Variants in SEMA4D observed in about 807,000 individuals in gnomAD.
SEMA4D encodes the protein semaphorin 4D.
Under a neutral mutation model 74.8 loss-of-function variants are expected in SEMA4D, and 22 were observed. The ratio of observed to expected loss-of-function variants is 0.29; its 90% CI spans 0.21 to 0.42. The LOEUF (loss-of-function observed/expected upper bound fraction) is 0.42. Among genes scored for constraint, SEMA4D ranks in the 10% least tolerant of loss-of-function variants. The pLI, the probability that SEMA4D is intolerant of heterozygous loss-of-function variation, is 1.00. For missense variants in SEMA4D, 937 were observed against 1,118.4 expected, an observed-to-expected ratio of 0.84 and a Z score of 2.31; for synonymous variants, 445 against 463.7, an observed-to-expected ratio of 0.96 and a Z score of 0.52.
chr9:89,453,046 T>C (rs1248582002), intron 2 of SEMA4D, among the ~76,000 whole-genome samples: 2 of 152,156 alleles, frequency 1.3e-5, no homozygotes, highest in African/African-American at 4.8e-5. Flanking sequence ...TTCAGTGTCA[T>C]TTAATTAAAT....
intron 2 of SEMA4D, among the ~76,000 whole-genome samples, chr9:89,451,862 T>C (rs1310847624): frequency 6.6e-6 from 1 of 152,240 alleles, no homozygotes; most frequent in Non-Finnish European, 1.5e-5. Context: ...ACGCAGGTCA[T>C]GAACAAGGTA....
intron 1 of SEMA4D, among the ~76,000 whole-genome samples, chr9:89,461,353 C>CA (rs1241270308): frequency 6.6e-6 from 1 of 152,132 alleles, no homozygotes; most frequent in Non-Finnish European, 1.5e-5. Context: ...CGTTTCACCC[C>CA]ATATACTCTT....
At chr9:89,380,334 GC>G (rs1439981380) in intron 15 of SEMA4D, among the ~76,000 whole-genome samples, 1 of 151,462 alleles carries the variant, frequency 6.6e-6, no homozygotes, top group Non-Finnish European at 1.5e-5. Flanking sequence ...TGCCCGGCCA[GC>G]TTTTGTTTTC....
At chr9:89,390,128 G>A (rs1212589620) in intron 9 of SEMA4D, among the ~76,000 whole-genome samples, 1 of 152,226 alleles carries the variant, frequency 6.6e-6, no homozygotes, top group African/African-American at 2.4e-5. Context: ...CCTCAGTGCT[G>A]GGTAATAAGT....
intron 1 of SEMA4D, among the ~76,000 whole-genome samples, chr9:89,480,146 A>G (rs1038957125): frequency 6.6e-6 from 1 of 151,966 alleles, no homozygotes; most frequent in Non-Finnish European, 1.5e-5. Flanking sequence ...TGAGCTAAAC[A>G]CAGGGTGCTG....
At chr9:89,389,386 G>A (rs1839305945) in intron 9 of SEMA4D, among the ~76,000 whole-genome samples, 2 of 152,178 alleles carry the variant, frequency 1.3e-5, no homozygotes, top group Non-Finnish European at 2.9e-5. Context: ...ACTTCCAACT[G>A]CCAAGGCCCC....
At chr9:89,474,797 C>G (rs978313110) in intron 1 of SEMA4D, among the ~76,000 whole-genome samples, 3 of 152,236 alleles carry the variant, frequency 2.0e-5, no homozygotes, top group African/African-American at 7.2e-5. Context: ...CCTGGCCAAG[C>G]CTTTCCGTAG....
chr9:89,419,253 A>G (rs917622805), intron 2 of SEMA4D, among the ~76,000 whole-genome samples: 8 of 152,200 alleles, frequency 5.3e-5, no homozygotes, highest in African/African-American at 1.7e-4. Flanking sequence ...TCTTCCCTCC[A>G]GCAGTGGATG....
intron 2 of SEMA4D, among the ~76,000 whole-genome samples, chr9:89,426,977 G>A (rs1304720348): frequency 2.6e-5 from 4 of 152,156 alleles, no homozygotes; most frequent in East Asian, 1.9e-4. Context: ...TGTCCCCAGC[G>A]AGTTCCCCCT....
chr9:89,380,072 GC>G (rs1256279194), intron 15 of SEMA4D, among the ~76,000 whole-genome samples: 2 of 151,944 alleles, frequency 1.3e-5, no homozygotes, highest in Non-Finnish European at 2.9e-5. Context: ...TGGCTCTGTT[GC>G]CCAGGCTGGA....
chr9:89,456,561 A>G (rs369735894), intron 1 of SEMA4D, among the ~76,000 whole-genome samples: 17 of 152,220 alleles, frequency 1.1e-4, no homozygotes, highest in African/African-American at 4.1e-4. Flanking sequence ...GAGAGAAGAA[A>G]AGAAGAATCC....
At chr9:89,385,024 C>A in intron 13 of SEMA4D, 3 of 985,350 alleles carry the variant, frequency 3.0e-6, no homozygotes, top group Non-Finnish European at 3.6e-6. Flanking sequence ...TCCAGTAGGA[C>A]CAGCAAGCGC....
intron 2 of SEMA4D, chr9:89,449,981 T>C: frequency 6.5e-7 from 1 of 1,541,116 alleles, no homozygotes; most frequent in Non-Finnish European, 9.0e-7. Context: ...GGAAAGCAGA[T>C]GTTATTAAGG....
intron 2 of SEMA4D, among the ~76,000 whole-genome samples, chr9:89,436,947 T>A (rs994120785): frequency 6.6e-6 from 1 of 152,238 alleles, no homozygotes; most frequent in Non-Finnish European, 1.5e-5. Context: ...AGGAAGCAGA[T>A]GTAGCCCTGG....
chr9:89,396,105 G>A (rs1840897291), intron 6 of SEMA4D, among the ~76,000 whole-genome samples: 1 of 152,182 alleles, frequency 6.6e-6, no homozygotes, highest in African/African-American at 2.4e-5. Context: ...ATGTGAGCCG[G>A]TGAGGGACAG....
chr9:89,376,581 T>C, downstream of SEMA4D: 1 of 453,666 alleles, frequency 2.2e-6, no homozygotes. Context: ...CCACAAGGCC[T>C]AAATATCTAG....
intron 12 of SEMA4D, 147 bp from the exon 13 acceptor site, chr9:89,386,629 C>CA: frequency 8.5e-6 from 5 of 585,018 alleles, no homozygotes; most frequent in South Asian, 2.1e-5. Flanking sequence ...GCATTAGAAA[C>CA]AAAAAAAGGA....
chr9:89,424,451 C>CACA (rs1847681509), intron 2 of SEMA4D, among the ~76,000 whole-genome samples: 1 of 152,142 alleles, frequency 6.6e-6, no homozygotes, highest in African/African-American at 2.4e-5. Flanking sequence ...AGCCCACGAC[C>CACA]ACAACATTAG....
At chr9:89,438,232 T>A (rs1176178177) in intron 2 of SEMA4D, among the ~76,000 whole-genome samples, 1 of 152,194 alleles carries the variant, frequency 6.6e-6, no homozygotes, top group Non-Finnish European at 1.5e-5. Flanking sequence ...GTTTTAAGTT[T>A]GGAGATGAGA....
Sources: allele counts gnomAD v4.1 joint callset (sites outside exome capture counted in the v4.1 genomes callset), GRCh38; gene constraint gnomAD v4.1.1; transcripts MANE v1.5; gene names NCBI Gene and HGNC (gene_info 2026-07-23, HGNC 2026-07-21).